TAF1: variants seen among roughly 807,000 people sequenced by gnomAD.
TAF1 encodes the protein TATA-box binding protein associated factor 1, also known as transcription initiation factor TFIID subunit 1.
A neutral mutation model predicts 138.5 loss-of-function variants in TAF1; 2 were observed. That is an observed-to-expected ratio of 0.01 (90% CI 0.01 to 0.05). The LOEUF is 0.05. TAF1 is among the 10% of genes least tolerant of loss of function. The pLI, the probability that TAF1 is intolerant of heterozygous loss-of-function variation, is 1.00. For missense variants in TAF1, 709 were observed against 1,478.0 expected (o/e 0.48, Z 8.53); for synonymous variants, 437 against 503.2 (o/e 0.87, Z 1.76).
intron 13 of TAF1, among the ~76,000 whole-genome samples, chrX:71,494,149 G>A (rs769285857): frequency 4.5e-5 from 5 of 111,574 alleles, no homozygotes; most frequent in Non-Finnish European, 7.5e-5. Flanking sequence ...TGGGCCCAGC[G>A]TCGTGGCTCA....
At chrX:71,470,150 CTG>C (rs1263819640), downstream of TAF1, among the ~76,000 whole-genome samples, 1 of 111,645 alleles carries the variant, frequency 9.0e-6, no homozygotes, top group East Asian at 2.8e-4. Flanking sequence ...TCTCTCTAGA[CTG>C]TGGGATTACA....
At chrX:71,407,935 T>C in intron 27 of TAF1, 39 bp from the exon 28 acceptor site, 1 of 1,182,817 alleles carries the variant, frequency 8.5e-7, no homozygotes. Context: ...CTCTGGCAAC[T>C]GTTATTTGCT....
chrX:71,449,954 G>A (rs2148776055), intron 32 of TAF1, among the ~76,000 whole-genome samples: 1 of 110,957 alleles, frequency 9.0e-6, no homozygotes, highest in East Asian at 2.8e-4. Flanking sequence ...TACGTTATTT[G>A]TATAGACAGA....
intron 13 of TAF1, among the ~76,000 whole-genome samples, chrX:71,508,974 A>ATT (rs112575547): frequency 2.0e-5 from 2 of 102,047 alleles, no homozygotes; most frequent in Non-Finnish European, 2.0e-5. Flanking sequence ...AGCCAATTAA[A>ATT]TTTTTTTTTT....
chrX:71,389,497 G>C (rs2034434384), intron 17 of TAF1, 88 bp from the exon 18 acceptor site: 1 of 719,998 alleles, frequency 1.4e-6, no homozygotes, highest in Non-Finnish European at 2.1e-6. Flanking sequence ...ATAGACTTTG[G>C]TATTCTGTAC....
chrX:71,390,517 C>T (rs752518473), intron 18 of TAF1, among the ~76,000 whole-genome samples: 46 of 110,841 alleles, frequency 4.2e-4, no homozygotes, highest in Non-Finnish European at 7.9e-4. Context: ...CATATAGTAC[C>T]CCTTTACTTT....
At chrX:71,513,511 G>T (rs1041809151) in intron 13 of TAF1, among the ~76,000 whole-genome samples, 1 of 111,328 alleles carries the variant, frequency 9.0e-6, no homozygotes, top group Non-Finnish European at 1.9e-5. Flanking sequence ...GGTCTGTGGG[G>T]CTGGTGTGGT....
rs1372649506 is a variant in TAF1 at position 71,378,363 on chromosome X, G to C, written c.1062G>C (p.Leu354=). The stretch of plus-strand genomic sequence containing the variant: ...CTGCCCGACTGTGGTATGATATGCT[G>C]GGTGTCCCTGAAGATGGCAGTGGGT... ...YGPARLWYDM[L]GVPEDGSGFD... The change falls in exon 7 of 38, where the codon CTG becomes CTC. Residue 354 remains leucine (L), a synonymous_variant. Transcript: ENST00000423759. 7 of 1,212,065 alleles carry C rather than the reference G, an allele frequency of 5.8e-6. No individual in the cohort carries two copies. The South Asian group carries it at 1.2e-4, about 21-fold the overall frequency.
intron 13 of TAF1, among the ~76,000 whole-genome samples, chrX:71,485,265 C>CG (rs1191075448): frequency 1.8e-5 from 2 of 112,222 alleles, no homozygotes; most frequent in African/African-American, 6.5e-5. Context: ...TACTTTTCAC[C>CG]GAGCTTCCCC....
At chrX:71,458,549 A>G (rs889177056) in intron 35 of TAF1, among the ~76,000 whole-genome samples, 183 bp downstream of exon 35, 1 of 111,307 alleles carries the variant, frequency 9.0e-6, no homozygotes, top group African/African-American at 3.3e-5. Context: ...GACTGGTGTT[A>G]TATTCTCTCT....
chrX:71,526,327 T>C (rs1177381796), intron 13 of TAF1, among the ~76,000 whole-genome samples: 2 of 112,368 alleles, frequency 1.8e-5, no homozygotes, highest in Non-Finnish European at 3.8e-5. Flanking sequence ...AATACTATCA[T>C]AGAAATCTAA....
chrX:71,471,878 G>A (rs956170148), intron 13 of TAF1, among the ~76,000 whole-genome samples: 1 of 111,652 alleles, frequency 9.0e-6, no homozygotes, highest in Admixed American at 9.6e-5. Flanking sequence ...CCAATCTGAG[G>A]CTGAAGTGAC....
chrX:71,477,037 C>T (rs1239700111), intron 13 of TAF1, among the ~76,000 whole-genome samples: 3 of 109,215 alleles, frequency 2.7e-5, no homozygotes, highest in Non-Finnish European at 5.7e-5. Context: ...CTCCCAGGTT[C>T]AAGTGATTCT....
Position 71,381,935 on chromosome X carries a change from A to C in TAF1, c.1537+16A>C. On this transcript the variant is annotated intron_variant, in intron 9 of 37. Transcript: ENST00000423759. The stretch of plus-strand genomic sequence containing the variant: ...CTCATTTTGGGTATATTACTGGCAG[A>C]GGCCAGTGTTTCTTCTCCTTTGAAA... The C allele has an allele frequency of 8.9e-7, 1 of 1,121,986 alleles. No individual in the cohort carries two copies. The highest frequency in any genetic ancestry group is 1.2e-6 in the Non-Finnish European group (1 of 852,420). 92.5% of individuals were successfully genotyped at this position (1,121,986 alleles called of 1,213,427 possible). A position where few individuals can be genotyped will look rare whatever the true frequency, so the allele number is the denominator to read the frequency against.
chrX:71,421,633 C>A (rs2036349594), intron 29 of TAF1, among the ~76,000 whole-genome samples: 4 of 111,725 alleles, frequency 3.6e-5, no homozygotes, highest in African/African-American at 9.7e-5. Flanking sequence ...AGATCCAGCA[C>A]CTACATAACT....
In TAF1 at chrX:71,376,798, T is replaced by G. The variant is rs1000145684; in HGVS notation, c.473-152T>G. The G allele has an allele frequency of 1.8e-5, 14 of 785,838 alleles. No individual in the cohort carries two copies. In the African/African-American group the frequency reaches 2.7e-4, roughly 15 times the overall value. 64.8% of individuals were successfully genotyped at this position (785,838 alleles called of 1,213,427 possible). A position where few individuals can be genotyped will look rare whatever the true frequency, so the allele number is the denominator to read the frequency against. On this transcript the variant is annotated intron_variant, in intron 4 of 37. Coordinates refer to ENST00000423759, the MANE Select transcript of TAF1 (RefSeq NM_004606.5). ...TGGGAGATAACGAGTTAGAATGAGT[T>G]TTCTGGGTTGCATACTAGTATTATG... is the stretch of plus-strand genomic sequence containing the variant.
intron 28 of TAF1, 149 bp downstream of exon 28, chrX:71,408,300 C>T (rs760968062): frequency 1.0e-5 from 7 of 699,850 alleles, no homozygotes; most frequent in Non-Finnish European, 1.4e-5. Flanking sequence ...TGTACATTTT[C>T]AGTCATTTAA....
At chrX:71,425,671 T>A (rs2148620389) in intron 32 of TAF1, among the ~76,000 whole-genome samples, 1 of 111,085 alleles carries the variant, frequency 9.0e-6, no homozygotes, top group African/African-American at 3.3e-5. Flanking sequence ...ATAAGTAAAG[T>A]GCAGCTTGAC....
intron 7 of TAF1, 111 bp from the exon 8 acceptor site, chrX:71,378,713 A>T: frequency 1.2e-6 from 1 of 859,696 alleles, no homozygotes; most frequent in Non-Finnish European, 1.7e-6. Context: ...TGGTTGTTTC[A>T]AGTAAAGGAC....
Sources: allele counts gnomAD v4.1 joint callset (sites outside exome capture counted in the v4.1 genomes callset), GRCh38; gene constraint gnomAD v4.1.1; transcripts MANE v1.5; gene names NCBI Gene and HGNC (gene_info 2026-07-23, HGNC 2026-07-21).